Variants in SVIL observed in about 807,000 individuals in gnomAD.
SVIL encodes archvillin.
Under a neutral mutation model 240.4 loss-of-function variants are expected in SVIL, and 101 were observed. That is an observed-to-expected ratio of 0.42 (90% CI 0.36 to 0.50). The LOEUF (loss-of-function observed/expected upper bound fraction) is 0.50, where lower values mean the gene tolerates loss of function less well. Among genes scored for constraint, SVIL ranks in the 20% least tolerant of loss-of-function variants. The pLI, the probability that SVIL is intolerant of heterozygous loss-of-function variation, is 0.01. For missense variants in SVIL, 2,512 were observed against 2,818.7 expected, an observed-to-expected ratio of 0.89 and a Z score of 2.46; for synonymous variants, 999 against 1,100.0, an observed-to-expected ratio of 0.91 and a Z score of 1.82.
rs1199753853 is a variant in SVIL at position 29,526,974 on chromosome 10, C to G, written c.2329G>C (p.Val777Leu). The G allele has an allele frequency of 6.9e-6, 11 of 1,603,782 alleles. No homozygotes were observed. The highest frequency in any genetic ancestry group is 3.5e-5 in the Admixed American group (2 of 57,462). Residue 777 changes from valine (V) to leucine (L), a missense_variant, in exon 13 of 38, where the codon GTG becomes CTG. Physicochemically the swap from Val to Leu is conservative, Grantham distance 32. Coordinates refer to ENST00000355867, the MANE Select transcript of SVIL (RefSeq NM_021738.3). ...TCTGTCCAGTACCTGGCAGGCTGCA[C>G]AGCGCTCCTAGCTACAGTGGGGCTA... ...LPSPTVARSA[V>L]QPARLQASAH...
chr10:29,573,710 C>CT (rs924619844), intron 1 of SVIL, among the ~76,000 whole-genome samples: 10 of 135,322 alleles, frequency 7.4e-5, no homozygotes, highest in East Asian at 6.9e-4. Context: ...GTGATTGTGA[C>CT]TTTTTTTTTT....
chr10:29,555,188 T>A, intron 3 of SVIL, 80 bp from the exon 4 acceptor site: 2 of 1,326,264 alleles, frequency 1.5e-6, no homozygotes, highest in Non-Finnish European at 2.0e-6. Flanking sequence ...AACGTGTTTA[T>A]TGAACTGCAA....
Position 29,527,053 on chromosome 10 carries a change from T to A in SVIL, c.2250A>T (p.Glu750Asp). 1 of 1,613,652 alleles carries A rather than the reference T, an allele frequency of 6.2e-7. No homozygotes were observed. The stretch of plus-strand genomic sequence containing the variant: ...CCCCAGAACACGAAGCGGGGATAGG[T>A]TCACTTTAAAAGCAATTGCCAAAGA... ...TTEEVVIAAT[E>D]PIPASCSGGT... The change falls in exon 13 of 38, where the codon GAA (glutamate) becomes GAT (aspartate). Residue 750 changes from glutamate (E) to aspartate (D), a missense_variant. By Grantham distance (45) the Glu-to-Asp change is conservative. This residue lies in a region of SVIL where 1,443 missense variants were observed against 1,486.6 expected (regional missense o/e 0.97). Transcript: ENST00000355867.
chr10:29,735,670 A>T lies in SVIL; in HGVS notation c.-400+81T>A, dbSNP rs1429536284. Reference sequence around the variant, plus strand: ...TGACCCGCGCCTCCCGCCCCGGAGCAGAGCGCAGCGGCGCGTCCTGGCGTC... The same window carrying T: ...TGACCCGCGCCTCCCGCCCCGGAGCTGAGCGCAGCGGCGCGTCCTGGCGTC... On this transcript the variant is annotated intron_variant, in intron 1 of 35. Transcript: ENST00000375400. The surrounding 1 kb of genome is among the most constrained non-coding windows in gnomAD (Gnocchi z 4.1). 6.6e-6 allele frequency: 1 copy of T among 151,758 alleles called. No individual in the cohort carries two copies. The highest frequency in any genetic ancestry group is 1.5e-5 in the Non-Finnish European group (1 of 67,994). 9.4% of individuals were successfully genotyped at this position (151,758 alleles called of 1,614,324 possible).
At position 29,523,673 on chromosome 10, in the gene SVIL, G is replaced by C; in HGVS notation, c.2941C>G (p.Arg981Gly). ...TTATGGCTGTCTCCTTCCCTGGCTCGGTTCAGGATGGGGTAGGATGCTTCT... is the reference window on the plus strand; with the variant it reads ...TTATGGCTGTCTCCTTCCCTGGCTCCGTTCAGGATGGGGTAGGATGCTTCT... ...EAEASYPILNRAREGDSHKES... is the reference protein window; with the variant it reads ...EAEASYPILNGAREGDSHKES... The change falls in exon 15 of 38, where the codon CGA becomes GGA. Residue 981 changes from arginine to glycine, a missense_variant. Transcript: ENST00000355867. 6.2e-7 allele frequency: 1 copy of C among 1,613,714 alleles called. No homozygotes were observed. Among genetic ancestry groups the C allele is most frequent in the Non-Finnish European group, 8.5e-7 (1 of 1,179,852 alleles).
At chr10:29,542,405 G>A (rs1952242769) in intron 6 of SVIL, among the ~76,000 whole-genome samples, 4 of 152,124 alleles carry the variant, frequency 2.6e-5, no homozygotes. Flanking sequence ...CAGACTTACA[G>A]AAGAGCTTAA....
chr10:29,614,973 T>G (rs142346698), intron 1 of SVIL, among the ~76,000 whole-genome samples: 1 of 152,314 alleles, frequency 6.6e-6, no homozygotes, highest in East Asian at 1.9e-4. Flanking sequence ...CTATGTGATA[T>G]GTACTACTAT....
intron 1 of SVIL, among the ~76,000 whole-genome samples, chr10:29,621,939 T>C (rs1957661301): frequency 6.6e-6 from 1 of 151,880 alleles, no homozygotes; most frequent in African/African-American, 2.4e-5. Context: ...CATCAGTGAC[T>C]TGGGAGCAGC....
intron 1 of SVIL, among the ~76,000 whole-genome samples, chr10:29,610,662 C>T (rs1957210210): frequency 6.6e-6 from 1 of 152,100 alleles, no homozygotes; most frequent in Non-Finnish European, 1.5e-5. Context: ...CTCAAATGAT[C>T]CTCCTGCCTC....
intron 1 of SVIL, among the ~76,000 whole-genome samples, chr10:29,719,196 G>A (rs1416259896): frequency 6.6e-6 from 1 of 152,154 alleles, no homozygotes; most frequent in African/African-American, 2.4e-5. Context: ...TTATGCTGGA[G>A]GTTGCAAATT....
chr10:29,652,511 T>C (rs1044057353), intron 3 of SVIL, among the ~76,000 whole-genome samples: 1 of 152,206 alleles, frequency 6.6e-6, no homozygotes, highest in Non-Finnish European at 1.5e-5. Flanking sequence ...GCTAGAAATA[T>C]TATTATTTTT....
intron 6 of SVIL, among the ~76,000 whole-genome samples, chr10:29,540,002 A>G (rs962331160): frequency 2.0e-5 from 3 of 151,890 alleles, no homozygotes; most frequent in Admixed American, 2.0e-4. Flanking sequence ...CTGTGCTGCC[A>G]TCATTCTAGT....
rs1564445870 is a variant in SVIL, at chr10:29,462,260, C to T, written c.6402+17G>A. The T allele has an allele frequency of 1.2e-6, 2 of 1,613,234 alleles. No homozygotes were observed. The highest frequency in any genetic ancestry group is 1.1e-5 in the South Asian group (1 of 90,904). ...AGGCGCAGGAGCCACCTTCATAGGG[C>T]AGGAAAGCGTGCTCACCATCTCTGT... On this transcript the variant is annotated intron_variant, in intron 36 of 37. Coordinates refer to ENST00000355867, the MANE Select transcript of SVIL (RefSeq NM_021738.3).
At chr10:29,679,390 A>G (rs1429254827) in intron 2 of SVIL, among the ~76,000 whole-genome samples, 1 of 152,210 alleles carries the variant, frequency 6.6e-6, no homozygotes, top group Non-Finnish European at 1.5e-5. Context: ...TTTAAGAAAT[A>G]GTGACAACTC....
At chr10:29,515,187 C>T (rs1468604098) in intron 16 of SVIL, among the ~76,000 whole-genome samples, 1 of 152,172 alleles carries the variant, frequency 6.6e-6, no homozygotes, top group Non-Finnish European at 1.5e-5. Flanking sequence ...CATGCAGATC[C>T]CTTTGGGTCA....
At chr10:29,573,922 C>A (rs540105561) in intron 1 of SVIL, among the ~76,000 whole-genome samples, 1 of 152,166 alleles carries the variant, frequency 6.6e-6, no homozygotes, top group Non-Finnish European at 1.5e-5. Context: ...TCTCGAACTC[C>A]GGACCTCAGG....
chr10:29,481,559 T>C (rs773774756), intron 28 of SVIL, 25 bp downstream of exon 28: 5 of 1,612,106 alleles, frequency 3.1e-6, no homozygotes, highest in Non-Finnish European at 4.2e-6. Flanking sequence ...AAGCCCCGAG[T>C]TTTGAGGCTT....
At chr10:29,479,554 C>T (rs1946600850) in intron 29 of SVIL, among the ~76,000 whole-genome samples, 1 of 152,218 alleles carries the variant, frequency 6.6e-6, no homozygotes, top group Non-Finnish European at 1.5e-5. Context: ...GCTGTTCCTG[C>T]ACCTGCTTTA....
At position 29,462,645 on chromosome 10, in the gene SVIL, G is replaced by A. The variant is rs572248036; in HGVS notation, c.6278-244C>T. 4.6e-5 allele frequency among the ~76,000 whole-genome samples: 7 copies of A among 152,258 alleles called. No individual in the cohort carries two copies. The South Asian group carries it at 1.5e-3, about 32-fold the overall frequency. On this transcript the variant is annotated intron_variant, in intron 35 of 37. Coordinates refer to ENST00000355867, the MANE Select transcript of SVIL (RefSeq NM_021738.3). ...TACTTCTTGAACCTAACAAAACGCT[G>A]TGTATTCCTGGAAGGGAGAGAGAGG...
Sources: gnomAD v4.1 joint callset for allele counts (sites outside exome capture counted in the v4.1 genomes callset) on GRCh38, gnomAD v4.1.1 for gene constraint, gnomAD v4.1.1 regional missense constraint, Gnocchi (gnomAD v3.1) non-coding constraint, MANE v1.5 for transcripts, NCBI Gene and HGNC (gene_info 2026-07-23, HGNC 2026-07-21) for gene names.